Variants in ODAD2 observed in about 807,000 individuals in gnomAD.
ODAD2 encodes the protein outer dynein arm-docking complex subunit 2.
In ODAD2, 89 loss-of-function variants were observed where a neutral mutation model predicts 106.8. That is an observed-to-expected ratio of 0.83 (90% CI 0.70 to 0.99). The LOEUF is 0.99. Among genes scored for constraint, ODAD2 ranks in the 50% least tolerant of loss-of-function variants. ODAD2 has a pLI of 0.00. For synonymous variants in ODAD2, 404 were observed against 436.2 expected (o/e 0.93, Z 0.92); for missense variants, 1,168 against 1,238.5 (o/e 0.94, Z 0.85).
At chr10:27,970,537 T>C (rs1028148993) in intron 8 of ODAD2, among the ~76,000 whole-genome samples, 11 of 152,210 alleles carry the variant, frequency 7.2e-5, no homozygotes, top group Admixed American at 2.6e-4. Context: ...ATTGTGTTCT[T>C]CTCTTCCCTT....
chr10:27,936,626 C>A, intron 15 of ODAD2, 100 bp downstream of exon 15: 1 of 1,294,126 alleles, frequency 7.7e-7, no homozygotes, highest in Non-Finnish European at 1.1e-6. Context: ...ACATCTACAA[C>A]TAACATTAGA....
At chr10:27,937,937 T>C (rs963517553) in intron 14 of ODAD2, among the ~76,000 whole-genome samples, 1 of 151,840 alleles carries the variant, frequency 6.6e-6, no homozygotes, top group African/African-American at 2.4e-5. Flanking sequence ...AATTCATATA[T>C]AGAGGTTTTT....
intron 19 of ODAD2, among the ~76,000 whole-genome samples, chr10:27,844,928 G>C (rs1332817399): frequency 6.6e-6 from 1 of 152,090 alleles, no homozygotes; most frequent in African/African-American, 2.4e-5. Flanking sequence ...AGCAGAGCTT[G>C]GATGAAGAAG....
rs147124402 is a variant in ODAD2, at chr10:27,983,897, G to A, written c.765C>T (p.His255=). Reference sequence around the variant, plus strand: ...AAGTAATGCACAGAGTCTCACCATCGTGAGGTTTCACCAGCACATAACAAA... The same window carrying A: ...AAGTAATGCACAGAGTCTCACCATCATGAGGTTTCACCAGCACATAACAAA... ...GEICYVLVKP[H]DGETLCITCS... Residue 255 remains histidine (H), a synonymous_variant, in exon 6 of 20, where the codon CAC becomes CAT. Coordinates refer to ENST00000305242, the MANE Select transcript of ODAD2 (RefSeq NM_018076.5). 8.5e-5 allele frequency: 137 copies of A among 1,611,978 alleles called. No individual in the cohort carries two copies. Among genetic ancestry groups the A allele is most frequent in the Admixed American group, 1.7e-4 (10 of 59,402 alleles).
chr10:27,962,582 A>C (rs917349922), intron 9 of ODAD2, among the ~76,000 whole-genome samples: 2 of 152,250 alleles, frequency 1.3e-5, no homozygotes, highest in Non-Finnish European at 2.9e-5. Context: ...TCAGGACCAA[A>C]GAGTTAACCA....
chr10:27,895,327 G>C (rs549814834), intron 17 of ODAD2, among the ~76,000 whole-genome samples: 1 of 152,172 alleles, frequency 6.6e-6, no homozygotes, highest in Non-Finnish European at 1.5e-5. Context: ...TTGAGATGGA[G>C]TCTAGCTCTG....
intron 17 of ODAD2, among the ~76,000 whole-genome samples, chr10:27,893,557 G>GTTAT (rs58833490): frequency 0.66 from 100,331 of 151,526 alleles, 33,520 homozygotes; most frequent in Middle Eastern, 0.74. Flanking sequence ...AAACAAAGAC[G>GTTAT]TTATTTCAAA....
intron 3 of ODAD2, 46 bp downstream of exon 3, chr10:27,987,340 G>C (rs755365932): frequency 1.9e-6 from 3 of 1,575,356 alleles, no homozygotes; most frequent in Non-Finnish European, 2.6e-6. Context: ...TTCCCAGCAA[G>C]ATTGTTTCTA....
intron 2 of ODAD2, among the ~76,000 whole-genome samples, chr10:27,993,120 G>A (rs1308645063): frequency 6.6e-6 from 1 of 152,028 alleles, no homozygotes; most frequent in African/African-American, 2.4e-5. Flanking sequence ...TCACCATGTT[G>A]GCCAGGCTGG....
At chr10:27,970,436 T>C (rs1848769658) in intron 8 of ODAD2, among the ~76,000 whole-genome samples, 2 of 152,196 alleles carry the variant, frequency 1.3e-5, no homozygotes, top group Admixed American at 1.3e-4. Context: ...GTCTCTAGCA[T>C]GATTTTTACA....
intron 19 of ODAD2, among the ~76,000 whole-genome samples, chr10:27,837,498 A>T (rs1043618803): frequency 1.3e-5 from 2 of 152,230 alleles, no homozygotes; most frequent in African/African-American, 4.8e-5. Flanking sequence ...GGTCTAGAGA[A>T]AATATCAGCG....
At chr10:27,888,428 GAGC>G (rs1342019283) in intron 17 of ODAD2, among the ~76,000 whole-genome samples, 1 of 151,972 alleles carries the variant, frequency 6.6e-6, no homozygotes, top group African/African-American at 2.4e-5. Context: ...TGGTGATATT[GAGC>G]AGTTTTTCAT....
chr10:27,994,969 T>C lies in ODAD2; in HGVS notation c.174A>G (p.Glu58=), dbSNP rs762250505. ...EAKFVFVEPL[E]WNTSLAPSAF... ...CTGAGGGCGCCAAACTTGTGTTCCATTCAAGTGGTTCCACAAAAACAAATT... is the reference window on the plus strand; with the variant it reads ...CTGAGGGCGCCAAACTTGTGTTCCACTCAAGTGGTTCCACAAAAACAAATT... The change falls in exon 2 of 20, where the codon GAA becomes GAG. Residue 58 remains glutamate, a synonymous_variant. Transcript: ENST00000305242. 1.9e-6 allele frequency: 3 copies of C among 1,614,222 alleles called. No individual in the cohort carries two copies. The highest frequency in any genetic ancestry group is 1.7e-6 in the Non-Finnish European group (2 of 1,180,030).
At chr10:27,919,840 C>T (rs1245240785) in intron 16 of ODAD2, among the ~76,000 whole-genome samples, 1 of 151,982 alleles carries the variant, frequency 6.6e-6, no homozygotes, top group Non-Finnish European at 1.5e-5. Context: ...GTAAACTTTC[C>T]TGGATGAAGG....
chr10:27,997,307 AAT>A (rs1850612991), intron 1 of ODAD2, among the ~76,000 whole-genome samples: 1 of 152,216 alleles, frequency 6.6e-6, no homozygotes, highest in Non-Finnish European at 1.5e-5. Flanking sequence ...ATCAGTGTAA[AAT>A]AGTGTGAAAT....
At chr10:27,933,883 T>C (rs1305002923) in intron 16 of ODAD2, among the ~76,000 whole-genome samples, 1 of 152,178 alleles carries the variant, frequency 6.6e-6, no homozygotes, top group African/African-American at 2.4e-5. Context: ...AAGGAGGTGT[T>C]AGTACTTGTG....
chr10:27,947,781 C>T (rs1166667834), intron 10 of ODAD2, among the ~76,000 whole-genome samples: 1 of 152,124 alleles, frequency 6.6e-6, no homozygotes, highest in East Asian at 1.9e-4. Flanking sequence ...TGTGTCATAC[C>T]TTGTTTAAGC....
chr10:27,879,094 T>A (rs1413012586), intron 17 of ODAD2, among the ~76,000 whole-genome samples: 1 of 152,062 alleles, frequency 6.6e-6, no homozygotes, highest in Non-Finnish European at 1.5e-5. Context: ...AAAAAATAAA[T>A]GGAATGGTTG....
intron 19 of ODAD2, among the ~76,000 whole-genome samples, chr10:27,844,149 C>G (rs907249892): frequency 6.6e-6 from 1 of 152,100 alleles, no homozygotes; most frequent in Admixed American, 6.6e-5. Flanking sequence ...GAGCTATGAT[C>G]GTGCCACTGT....
Sources: gnomAD v4.1 joint callset for allele counts (sites outside exome capture counted in the v4.1 genomes callset) on GRCh38, gnomAD v4.1.1 for gene constraint, MANE v1.5 for transcripts, NCBI Gene and HGNC (gene_info 2026-07-23, HGNC 2026-07-21) for gene names.